Variants in NOX4 observed in about 807,000 individuals in gnomAD.
NOX4 encodes kidney oxidase-1.
A neutral mutation model predicts 87.6 loss-of-function variants in NOX4; 69 were observed. That is an observed-to-expected ratio of 0.79 (90% confidence interval 0.65 to 0.96). The LOEUF (loss-of-function observed/expected upper bound fraction) is 0.96. Ranked by LOEUF, NOX4 falls within the 40% of genes least tolerant of loss-of-function variation. The pLI is 0.00. For missense variants in NOX4, 680 were observed against 681.5 expected, an observed-to-expected ratio of 1.00 and a Z score of 0.02; for synonymous variants, 275 against 238.2, an observed-to-expected ratio of 1.15 and a Z score of -1.42.
intron 12 of NOX4, among the ~76,000 whole-genome samples, chr11:89,355,912 T>C (rs1230584742): frequency 3.9e-5 from 6 of 152,094 alleles, no homozygotes; most frequent in East Asian, 1.9e-4. Flanking sequence ...CAGTTGCTCA[T>C]TGACATGAGA....
the NOX4 span, among the ~76,000 whole-genome samples, chr11:89,579,285 T>A: frequency 3.3e-5 from 5 of 152,228 alleles, no homozygotes; most frequent in Middle Eastern, 3.4e-3. Flanking sequence ...CAAGAGTAAA[T>A]CCTGATGTAA....
chr11:89,442,907 A>T (rs1040270539), intron 5 of NOX4, among the ~76,000 whole-genome samples: 1 of 152,172 alleles, frequency 6.6e-6, no homozygotes, highest in African/African-American at 2.4e-5. Context: ...ATGTTGGAAC[A>T]GGGGCAGGAA....
At chr11:89,492,499 T>G (rs938879800), upstream of NOX4, among the ~76,000 whole-genome samples, 3 of 152,248 alleles carry the variant, frequency 2.0e-5, no homozygotes, top group Non-Finnish European at 2.9e-5. Context: ...CTTATTCCAA[T>G]TAATTTAATG....
At chr11:89,568,287 T>C in the NOX4 span, among the ~76,000 whole-genome samples, 1 of 152,194 alleles carries the variant, frequency 6.6e-6, no homozygotes, top group East Asian at 1.9e-4. Flanking sequence ...ATACAATAGA[T>C]TAACGAAACA....
At chr11:89,507,378 TATATATA>T in the NOX4 span, among the ~76,000 whole-genome samples, 1 of 151,236 alleles carries the variant, frequency 6.6e-6, no homozygotes, top group Non-Finnish European at 1.5e-5. Context: ...ATAGATATGC[TATATATA>T]ATATATAATA....
chr11:89,401,711 C>A (rs1204331840), intron 9 of NOX4, among the ~76,000 whole-genome samples: 2 of 152,060 alleles, frequency 1.3e-5, no homozygotes, highest in Non-Finnish European at 2.9e-5. Context: ...TACATGCTTC[C>A]TCTGCCACTT....
At chr11:89,442,399 G>T (rs964385695) in intron 5 of NOX4, among the ~76,000 whole-genome samples, 3 of 152,140 alleles carry the variant, frequency 2.0e-5, no homozygotes, top group Non-Finnish European at 4.4e-5. Flanking sequence ...TACAACTACA[G>T]ATCTGTGTAG....
At chr11:89,582,649 C>T in the NOX4 span, among the ~76,000 whole-genome samples, 1 of 152,142 alleles carries the variant, frequency 6.6e-6, no homozygotes, top group Non-Finnish European at 1.5e-5. Context: ...ATGTCTGTGA[C>T]CCCAGCTTCT....
chr11:89,486,530 GTATA>G (rs940853030), intron 2 of NOX4, among the ~76,000 whole-genome samples: 1 of 143,638 alleles, frequency 7.0e-6, no homozygotes, highest in African/African-American at 2.6e-5. Context: ...ATATATATGT[GTATA>G]TATACATATA....
intron 2 of NOX4, among the ~76,000 whole-genome samples, chr11:89,460,023 T>G (rs1470464991): frequency 1.3e-5 from 2 of 152,222 alleles, no homozygotes; most frequent in African/African-American, 2.4e-5. Context: ...TACAACCATC[T>G]GATCTTTGAC....
intron 2 of NOX4, among the ~76,000 whole-genome samples, chr11:89,468,723 C>T (rs1283789763): frequency 6.6e-6 from 1 of 151,968 alleles, no homozygotes. Context: ...TCATCTTTGC[C>T]TCAGCTAGAA....
the NOX4 span, among the ~76,000 whole-genome samples, chr11:89,571,255 T>C: frequency 6.6e-6 from 1 of 152,172 alleles, no homozygotes; most frequent in African/African-American, 2.4e-5. Context: ...TGATAAACAG[T>C]AGTTCTACAT....
intron 6 of NOX4, among the ~76,000 whole-genome samples, chr11:89,438,801 A>ATTATATATTATATATTATATAATATC (rs1944261324): frequency 2.4e-4 from 1 of 4,168 alleles, no homozygotes; most frequent in Non-Finnish European, 4.0e-4. Flanking sequence ...TGTATAATAT[A>ATTATATATTATATATTATATAATATC]TTATATATTA....
the NOX4 span, among the ~76,000 whole-genome samples, chr11:89,557,880 A>G: frequency 6.6e-6 from 1 of 152,144 alleles, no homozygotes; most frequent in Non-Finnish European, 1.5e-5. Context: ...ACTTGTCTCC[A>G]AGGGCAAGGA....
At chr11:89,365,991 C>T (rs1452687076) in intron 12 of NOX4, among the ~76,000 whole-genome samples, 1 of 151,974 alleles carries the variant, frequency 6.6e-6, no homozygotes, top group Non-Finnish European at 1.5e-5. Context: ...GCAAGTGTAT[C>T]AAGAAAATGA....
At chr11:89,383,172 A>T (rs192932489) in intron 11 of NOX4, among the ~76,000 whole-genome samples, 1 of 152,202 alleles carries the variant, frequency 6.6e-6, no homozygotes, top group Non-Finnish European at 1.5e-5. Context: ...CCCCAGCCAC[A>T]TTTGCAGCAC....
intron 14 of NOX4, among the ~76,000 whole-genome samples, chr11:89,341,771 A>T (rs1326727873): frequency 6.6e-6 from 1 of 152,178 alleles, no homozygotes; most frequent in Non-Finnish European, 1.5e-5. Flanking sequence ...ATGAATGAGT[A>T]GAACCACTTA....
upstream of NOX4, among the ~76,000 whole-genome samples, chr11:89,492,389 T>G (rs1426020806): frequency 6.6e-6 from 1 of 152,230 alleles, no homozygotes; most frequent in Non-Finnish European, 1.5e-5. Flanking sequence ...ATCGAATGGC[T>G]TTTAAACTCT....
At chr11:89,450,679 G>A (rs1208270414) in intron 3 of NOX4, among the ~76,000 whole-genome samples, 2 of 151,120 alleles carry the variant, frequency 1.3e-5, no homozygotes, top group African/African-American at 2.4e-5. Context: ...CCGTTAACTC[G>A]TCATTTAGCA....
Sources: gnomAD v4.1 joint callset for allele counts (sites outside exome capture counted in the v4.1 genomes callset) on GRCh38, gnomAD v4.1.1 for gene constraint, MANE v1.5 for transcripts, NCBI Gene and HGNC (gene_info 2026-07-23, HGNC 2026-07-21) for gene names.